The following ENTREP2 variants were observed in gnomAD, a reference collection of about 807,000 sequenced individuals.
ENTREP2 encodes the protein endosomal transmembrane epsin interactor 2.
At chr15:29,408,986 T>C in the ENTREP2 span, among the ~76,000 whole-genome samples, 1 of 152,186 alleles carries the variant, frequency 6.6e-6, no homozygotes, top group African/African-American at 2.4e-5. Flanking sequence ...AATATACTAA[T>C]TATTAATAGA....
the ENTREP2 span, among the ~76,000 whole-genome samples, chr15:29,309,973 C>T: frequency 6.6e-6 from 1 of 152,090 alleles, no homozygotes; most frequent in East Asian, 1.9e-4. Context: ...GGAGTAGACC[C>T]TGCATGCTCC....
the ENTREP2 span, among the ~76,000 whole-genome samples, chr15:29,673,247 T>C: frequency 6.6e-6 from 1 of 152,170 alleles, no homozygotes; most frequent in Non-Finnish European, 1.5e-5. Context: ...GGCCAGCTTC[T>C]TTACCACATC....
At chr15:29,268,770 G>T in the ENTREP2 span, 1 of 1,577,860 alleles carries the variant, frequency 6.3e-7, no homozygotes, top group Non-Finnish European at 8.6e-7. Context: ...CTTGTCCCGG[G>T]GGTCCCTCTG....
At chr15:29,607,180 TTA>T in the ENTREP2 span, among the ~76,000 whole-genome samples, 6 of 152,202 alleles carry the variant, frequency 3.9e-5, no homozygotes, top group African/African-American at 1.4e-4. Flanking sequence ...TTTTCTTGGA[TTA>T]TAGCTCTTAG....
At chr15:29,508,148 G>C in the ENTREP2 span, among the ~76,000 whole-genome samples, 1 of 152,162 alleles carries the variant, frequency 6.6e-6, no homozygotes, top group African/African-American at 2.4e-5. Flanking sequence ...AGAAAATCTA[G>C]AGGAAATGGA....
the ENTREP2 span, among the ~76,000 whole-genome samples, chr15:29,284,108 G>T: frequency 6.6e-6 from 1 of 152,092 alleles, no homozygotes; most frequent in Admixed American, 6.6e-5. Flanking sequence ...AATAAAAAAA[G>T]AAATGCCAAA....
the ENTREP2 span, among the ~76,000 whole-genome samples, chr15:29,664,575 T>G: frequency 0.049 from 7,441 of 151,322 alleles, 512 homozygotes; most frequent in African/African-American, 0.16. Flanking sequence ...GGTGCTTGCG[T>G]GATGGGGTGG....
chr15:29,621,522 C>CAAAAA, the ENTREP2 span, among the ~76,000 whole-genome samples: 2 of 15,636 alleles, frequency 1.3e-4, no homozygotes, highest in Non-Finnish European at 2.1e-4. Context: ...GACTCTGTCT[C>CAAAAA]AAAAAAAAAA....
At chr15:29,281,902 A>G in the ENTREP2 span, among the ~76,000 whole-genome samples, 2 of 152,208 alleles carry the variant, frequency 1.3e-5, no homozygotes, top group African/African-American at 2.4e-5. Context: ...AAGTTCAGGT[A>G]GACTACAGCT....
the ENTREP2 span, chr15:29,269,503 G>T: frequency 6.2e-7 from 1 of 1,601,066 alleles, no homozygotes. Flanking sequence ...GGCCCGGCGG[G>T]CGCCCTGAGG....
At chr15:29,350,953 AAT>A in the ENTREP2 span, among the ~76,000 whole-genome samples, 1 of 152,072 alleles carries the variant, frequency 6.6e-6, no homozygotes, top group Non-Finnish European at 1.5e-5. Flanking sequence ...TAAATAAATA[AAT>A]ATATATATAA....
the ENTREP2 span, among the ~76,000 whole-genome samples, chr15:29,400,957 G>T: frequency 6.6e-6 from 1 of 152,172 alleles, no homozygotes; most frequent in Non-Finnish European, 1.5e-5. Context: ...CATCGCCCCG[G>T]GCCTTCTGAT....
chr15:29,611,679 C>G, the ENTREP2 span, among the ~76,000 whole-genome samples: 3 of 152,126 alleles, frequency 2.0e-5, no homozygotes, highest in African/African-American at 7.2e-5. Flanking sequence ...CCAGTGTCAT[C>G]TCAAGTGGCT....
At chr15:29,324,806 T>G in the ENTREP2 span, among the ~76,000 whole-genome samples, 2 of 152,332 alleles carry the variant, frequency 1.3e-5, no homozygotes, top group Admixed American at 1.3e-4. Flanking sequence ...TGTACTATTA[T>G]AGTTGAAGAC....
At chr15:29,366,265 G>A in the ENTREP2 span, among the ~76,000 whole-genome samples, 1 of 152,142 alleles carries the variant, frequency 6.6e-6, no homozygotes, top group Non-Finnish European at 1.5e-5. Context: ...AGTAGAGACA[G>A]GGTTTCACCA....
At chr15:29,294,712 A>T in the ENTREP2 span, among the ~76,000 whole-genome samples, 1 of 152,216 alleles carries the variant, frequency 6.6e-6, no homozygotes, top group African/African-American at 2.4e-5. Context: ...TGACTTTCTG[A>T]AAAGGGTTCC....
the ENTREP2 span, among the ~76,000 whole-genome samples, chr15:29,523,565 T>G: frequency 6.0e-3 from 833 of 139,072 alleles, 13 homozygotes; most frequent in African/African-American, 0.024. Flanking sequence ...AGCTAGATTT[T>G]TTTTTTTTTT....
At chr15:29,360,180 C>T in the ENTREP2 span, among the ~76,000 whole-genome samples, 3 of 152,200 alleles carry the variant, frequency 2.0e-5, no homozygotes, top group Non-Finnish European at 2.9e-5. Flanking sequence ...ATATCACATA[C>T]TTCACAGTTA....
the ENTREP2 span, among the ~76,000 whole-genome samples, chr15:29,216,945 C>T: frequency 1.3e-5 from 2 of 152,136 alleles, no homozygotes; most frequent in African/African-American, 2.4e-5. Flanking sequence ...GAGGGATTGA[C>T]GCTCCAAAAT....
Sources: allele counts gnomAD v4.1 joint callset (sites outside exome capture counted in the v4.1 genomes callset), GRCh38; gene constraint gnomAD v4.1.1; transcripts MANE v1.5; gene names NCBI Gene and HGNC (gene_info 2026-07-23, HGNC 2026-07-21).